The following SMARCC1 variants were observed in gnomAD, a reference collection of about 807,000 sequenced individuals.
The protein encoded by SMARCC1 is SWI/SNF complex subunit SMARCC1.
Under a neutral mutation model 147.4 loss-of-function variants are expected in SMARCC1, and 43 were observed. The observed-to-expected ratio is 0.29, with a 90% CI of 0.23 to 0.38. The LOEUF is 0.38. Among genes scored for constraint, SMARCC1 ranks in the 10% least tolerant of loss-of-function variants. The pLI is 1.00. For synonymous variants in SMARCC1, 495 were observed against 484.4 expected (o/e 1.02, Z -0.29); for missense variants, 1,119 against 1,381.1 (o/e 0.81, Z 3.01).
At chr3:47,733,544 C>T (rs1242242196) in intron 5 of SMARCC1, among the ~76,000 whole-genome samples, 1 of 151,950 alleles carries the variant, frequency 6.6e-6, no homozygotes, top group African/African-American at 2.4e-5. Context: ...AATTCGAGAC[C>T]AGCCTTTCCA....
intron 6 of SMARCC1, among the ~76,000 whole-genome samples, chr3:47,727,158 C>T (rs536402349): frequency 1.7e-4 from 23 of 138,724 alleles, no homozygotes; most frequent in Admixed American, 9.3e-4. Flanking sequence ...GGCTGCAGTG[C>T]GCCAAGATGA....
rs772232713 is a variant in SMARCC1, at chr3:47,588,044, G to A, written c.*165C>T. Reference sequence around the variant, plus strand: ...TGGCTGAGGACCCAACACAAAAAGTGTCAGAGAGAGGGGTGGTAAGAGGAG... The same window carrying A: ...TGGCTGAGGACCCAACACAAAAAGTATCAGAGAGAGGGGTGGTAAGAGGAG... On this transcript the variant is annotated 3_prime_UTR_variant, in exon 28 of 28. Coordinates refer to ENST00000254480, the MANE Select transcript of SMARCC1 (RefSeq NM_003074.4). 7.8e-5 allele frequency: 47 copies of A among 600,498 alleles called. No homozygotes were observed. Among genetic ancestry groups the A allele is most frequent in the Middle Eastern group, 4.4e-4 (1 of 2,296 alleles). 37.2% of individuals were successfully genotyped at this position (600,498 alleles called of 1,614,324 possible).
chr3:47,707,763 G>T (rs745548887), intron 9 of SMARCC1, among the ~76,000 whole-genome samples: 1 of 152,028 alleles, frequency 6.6e-6, no homozygotes, highest in African/African-American at 2.4e-5. Context: ...TCTGTGGCCC[G>T]AATTACTCAG....
intron 4 of SMARCC1, among the ~76,000 whole-genome samples, chr3:47,737,248 G>C (rs1458901374): frequency 6.6e-6 from 1 of 152,008 alleles, no homozygotes; most frequent in Non-Finnish European, 1.5e-5. Context: ...AAAAAAATTA[G>C]CCAGGTGTGA....
At chr3:47,636,826 G>A (rs1274662293) in intron 22 of SMARCC1, among the ~76,000 whole-genome samples, 1 of 142,824 alleles carries the variant, frequency 7.0e-6, no homozygotes, top group Non-Finnish European at 1.6e-5. Flanking sequence ...GTGTGTGTGT[G>A]TGTGTGTGTG....
rs992350490 is a variant in SMARCC1 at position 47,655,339 on chromosome 3, T to C, written c.2320+5955A>G. Among the ~76,000 whole-genome samples, 2 of 150,396 alleles carry C rather than the reference T, an allele frequency of 1.3e-5. 1 individual carries two copies. Among genetic ancestry groups the C allele is most frequent in the Admixed American group, 1.3e-4 (2 of 15,106 alleles). On this transcript the variant is annotated intron_variant, in intron 21 of 27. Coordinates refer to ENST00000254480, the MANE Select transcript of SMARCC1 (RefSeq NM_003074.4). ...ACTTGAGCCTGGGAGGCAGAGGTTG[T>C]GATGGGCTGTGATCACGCCACCGTA...
intron 19 of SMARCC1, among the ~76,000 whole-genome samples, chr3:47,663,179 GGA>G (rs2033372145): frequency 1.1e-5 from 1 of 88,620 alleles, no homozygotes; most frequent in African/African-American, 4.3e-5. Context: ...GGAGAGGAGG[GGA>G]GAGGGGAGGG....
chr3:47,778,198 AAAAAC>A lies in SMARCC1; in HGVS notation c.195+3400_195+3404del, dbSNP rs1422812898. ...AGAGCGAGACTCCATCTCAAAAAAA[AAAAAC>A]AAAAAACAAAAAACAAAAAAAACAC... On this transcript the variant is annotated intron_variant, in intron 1 of 27. Coordinates refer to ENST00000254480, the MANE Select transcript of SMARCC1 (RefSeq NM_003074.4). Among the ~76,000 whole-genome samples the A allele has an allele frequency of 6.2e-5, 9 of 144,734 alleles. 1 individual carries two copies. The highest frequency in any genetic ancestry group is 1.0e-4 in the African/African-American group (4 of 38,686). 95.0% of individuals were successfully genotyped at this position (144,734 alleles called of 152,430 possible). A position where few individuals can be genotyped will look rare whatever the true frequency, so the allele number is the denominator to read the frequency against.
At chr3:47,598,658 C>A (rs1224718691) in intron 26 of SMARCC1, among the ~76,000 whole-genome samples, 1 of 151,456 alleles carries the variant, frequency 6.6e-6, no homozygotes, top group Admixed American at 6.6e-5. Context: ...AGTGAAACCT[C>A]GTCTCTACTA....
At chr3:47,662,986 G>A (rs2033368551) in intron 19 of SMARCC1, among the ~76,000 whole-genome samples, 1 of 150,266 alleles carries the variant, frequency 6.7e-6, no homozygotes, top group Admixed American at 6.7e-5. Context: ...TGAGGCACCA[G>A]AATCGCTTGA....
Position 47,745,960 on chromosome 3 carries a change from C to T in SMARCC1, c.349G>A (p.Ala117Thr), listed in dbSNP as rs746514755. The change falls in exon 3 of 28, where the codon GCC (alanine) becomes ACC (threonine). Residue 117 changes from alanine to threonine, a missense_variant. By Grantham distance (58) the Ala-to-Thr change is moderately conservative. Transcript: ENST00000254480. The stretch of plus-strand genomic sequence containing the variant: ...GCAGCCCCAAGAATGTGACATAAGG[C>T]GCCTCCAGCTTTGAAATCCATGAAA... ...KCFMDFKAGGALCHILGAAYK... is the reference protein window; with the variant it reads ...KCFMDFKAGGTLCHILGAAYK... 4 of 1,585,564 alleles carry T rather than the reference C, an allele frequency of 2.5e-6. No individual in the cohort carries two copies. Among genetic ancestry groups the T allele is most frequent in the South Asian group, 1.2e-5 (1 of 84,228 alleles).
intron 5 of SMARCC1, among the ~76,000 whole-genome samples, chr3:47,733,336 G>A (rs1018636302): frequency 4.6e-5 from 7 of 152,208 alleles, no homozygotes; most frequent in East Asian, 1.9e-4. Flanking sequence ...CCAGCACTTT[G>A]GGAGGCCGAG....
intron 1 of SMARCC1, among the ~76,000 whole-genome samples, chr3:47,773,715 C>T (rs564082242): frequency 2.0e-4 from 30 of 152,062 alleles, no homozygotes; most frequent in Non-Finnish European, 3.1e-4. Context: ...CTGCAACCTC[C>T]GCCTCCAGAG....
At chr3:47,765,416 A>G in intron 2 of SMARCC1, among the ~76,000 whole-genome samples, 1 of 152,146 alleles carries the variant, frequency 6.6e-6, no homozygotes, top group East Asian at 1.9e-4. Flanking sequence ...TATTTAAGTC[A>G]AAATTTATTT....
intron 26 of SMARCC1, among the ~76,000 whole-genome samples, chr3:47,609,584 C>G (rs1002985796): frequency 6.6e-6 from 1 of 152,030 alleles, no homozygotes; most frequent in African/African-American, 2.4e-5. Context: ...TAAAAACAGA[C>G]TCTAAAATGT....
chr3:47,731,897 G>A (rs1029280921), intron 5 of SMARCC1, among the ~76,000 whole-genome samples: 1 of 152,150 alleles, frequency 6.6e-6, no homozygotes, highest in Non-Finnish European at 1.5e-5. Flanking sequence ...AATGGCAAAC[G>A]ACCATTGGCT....
chr3:47,637,655 T>C (rs1346242265), intron 22 of SMARCC1, among the ~76,000 whole-genome samples: 4 of 151,474 alleles, frequency 2.6e-5, no homozygotes, highest in Non-Finnish European at 5.9e-5. Flanking sequence ...GAGGTTGCAG[T>C]GAGCCAAGAT....
intron 18 of SMARCC1, among the ~76,000 whole-genome samples, chr3:47,673,000 C>A (rs755138644): frequency 5.3e-5 from 8 of 151,870 alleles, no homozygotes; most frequent in Non-Finnish European, 8.8e-5. Context: ...CAGCCCGTTT[C>A]CTCTCTTGAT....
At chr3:47,657,294 G>A (rs1275291204) in intron 21 of SMARCC1, among the ~76,000 whole-genome samples, 1 of 152,112 alleles carries the variant, frequency 6.6e-6, no homozygotes, top group East Asian at 1.9e-4. Context: ...CACAAAGAAT[G>A]TTGTCTAGAA....
Sources: gnomAD v4.1 joint callset for allele counts (sites outside exome capture counted in the v4.1 genomes callset) on GRCh38, gnomAD v4.1.1 for gene constraint, MANE v1.5 for transcripts, NCBI Gene and HGNC (gene_info 2026-07-23, HGNC 2026-07-21) for gene names.